SNX24: variants seen among roughly 807,000 people sequenced by gnomAD.
The protein encoded by SNX24 is sorting nexin-24.
Under a neutral mutation model 28.7 loss-of-function variants are expected in SNX24, and 22 were observed. The observed-to-expected ratio is 0.77, with a 90% CI of 0.55 to 1.10. The LOEUF (loss-of-function observed/expected upper bound fraction) is 1.10. SNX24 is among the 50% of genes least tolerant of loss of function. The probability of loss-of-function intolerance (pLI) is 0.00; values close to 1 mark genes in which losing one functional copy is unlikely to be tolerated. For synonymous variants in SNX24, 69 were observed against 71.5 expected, an observed-to-expected ratio of 0.96 and a Z score of 0.18; for missense variants, 221 against 201.1, an observed-to-expected ratio of 1.10 and a Z score of -0.60.
chr5:122,869,928 A>G (rs1054083644), intron 1 of SNX24, among the ~76,000 whole-genome samples: 4 of 150,532 alleles, frequency 2.7e-5, no homozygotes, highest in African/African-American at 9.8e-5. Context: ...TTGTTTGTAC[A>G]TGGTTGGAGG....
In SNX24 at chr5:122,996,305, G is replaced by T. The variant is rs79091077; in HGVS notation, c.250-3607G>T. On this transcript the variant is annotated intron_variant, in intron 3 of 6. Transcript: ENST00000261369. ...CACAGCACCGGCCACAGTGCATCAG[G>T]CTCCAGGCCAAAGAAAAGTGAGCCC... Among the ~76,000 whole-genome samples the T allele has an allele frequency of 8.2e-3, 1,254 of 152,302 alleles. 18 individuals carry two copies. Among genetic ancestry groups the T allele is most frequent in the African/African-American group, 0.029 (1,188 of 41,552 alleles).
downstream of SNX24, among the ~76,000 whole-genome samples, chr5:123,009,369 A>C (rs1472930447): frequency 6.6e-6 from 1 of 152,228 alleles, no homozygotes; most frequent in Non-Finnish European, 1.5e-5. Context: ...TATCTCATCT[A>C]TTAAGTCAGT....
At chr5:122,990,477 G>A (rs1232822988) in intron 3 of SNX24, among the ~76,000 whole-genome samples, 2 of 152,122 alleles carry the variant, frequency 1.3e-5, no homozygotes, top group Non-Finnish European at 2.9e-5. Context: ...GCTGGAGCTG[G>A]GTCAAAGTGT....
At chr5:122,990,161 T>C (rs1235837110) in intron 3 of SNX24, among the ~76,000 whole-genome samples, 91 of 152,304 alleles carry the variant, frequency 6.0e-4, no homozygotes, top group Non-Finnish European at 2.1e-4. Flanking sequence ...TAGCTACACA[T>C]CTTATAAGTC....
At chr5:122,852,844 G>A (rs1434643078) in intron 1 of SNX24, among the ~76,000 whole-genome samples, 1 of 152,058 alleles carries the variant, frequency 6.6e-6, no homozygotes, top group Non-Finnish European at 1.5e-5. Flanking sequence ...AAAATAGGAG[G>A]CATCTCTGGA....
intron 2 of SNX24, among the ~76,000 whole-genome samples, chr5:122,943,564 T>G (rs1561634469): frequency 6.6e-6 from 1 of 152,204 alleles, no homozygotes; most frequent in Admixed American, 6.5e-5. Flanking sequence ...CAGGCAGAAT[T>G]CAGTGGCTTG....
At chr5:123,024,013 GAA>G in intron 5 of SNX24, 4 of 1,610,974 alleles carry the variant, frequency 2.5e-6, no homozygotes, top group Non-Finnish European at 3.4e-6. Flanking sequence ...TCTGGTGAGA[GAA>G]AAGTAGACAC....
chr5:122,855,773 C>T (rs904144727), intron 1 of SNX24, among the ~76,000 whole-genome samples: 1 of 152,274 alleles, frequency 6.6e-6, no homozygotes, highest in African/African-American at 2.4e-5. Flanking sequence ...CTTTGCCCTT[C>T]CTTAAGAAGC....
intron 1 of SNX24, among the ~76,000 whole-genome samples, chr5:122,902,955 T>C (rs1412857921): frequency 6.6e-6 from 1 of 151,508 alleles, no homozygotes; most frequent in Non-Finnish European, 1.5e-5. Context: ...TTGCTACTTA[T>C]TGTTCCCTAG....
chr5:122,883,592 C>T (rs1023239451), intron 1 of SNX24, among the ~76,000 whole-genome samples: 9 of 152,140 alleles, frequency 5.9e-5, no homozygotes, highest in African/African-American at 2.2e-4. Context: ...ATCTTGGAGC[C>T]AGTAAGCTTC....
chr5:122,864,301 G>A lies in SNX24; in HGVS notation c.60+18608G>A, dbSNP rs986755650. Among the ~76,000 whole-genome samples, 12 of 152,122 alleles carry A rather than the reference G, an allele frequency of 7.9e-5. 1 individual carries two copies. The highest frequency in any genetic ancestry group is 1.5e-5 in the Non-Finnish European group (1 of 68,028). ...GATTGAGGCCATAGGATCCACTGAT[G>A]GATTAGATTTGGGGCATGAGAAAAA... On this transcript the variant is annotated intron_variant, in intron 1 of 6. Transcript: ENST00000261369.
At chr5:122,873,233 C>G (rs913401123) in intron 1 of SNX24, among the ~76,000 whole-genome samples, 3 of 152,074 alleles carry the variant, frequency 2.0e-5, no homozygotes, top group Non-Finnish European at 2.9e-5. Flanking sequence ...CCTCAGCCTA[C>G]CAAAGTGCTG....
At position 123,001,393 on chromosome 5, in the gene SNX24, C is replaced by A; in HGVS notation, c.345-12C>A. ...TGGTTTTTTTGTTTTTTTCCTTTTT[C>A]AAAACTTTTAGATCTTTTGATGAAA... On this transcript the variant is annotated splice_polypyrimidine_tract_variant and intron_variant, in intron 4 of 6. Coordinates refer to ENST00000261369, the MANE Select transcript of SNX24 (RefSeq NM_014035.4). 2 of 1,593,914 alleles carry A rather than the reference C, an allele frequency of 1.3e-6. No homozygotes were observed. Among genetic ancestry groups the A allele is most frequent in the South Asian group, 2.2e-5 (2 of 89,020 alleles).
At chr5:122,848,401 TTGTGTTTAAAATTTAAAACGGCCGGGGCG>T (rs1226893339) in intron 1 of SNX24, among the ~76,000 whole-genome samples, 4 of 152,212 alleles carry the variant, frequency 2.6e-5, no homozygotes, top group East Asian at 3.9e-4. Context: ...CGACCTGTGT[TTGTGTTTAAAATTTAAAACGGCCGGGGCG>T]TGGTGGCTCA....
chr5:122,945,938 GC>G, intron 2 of SNX24, 116 bp from the exon 3 acceptor site: 1 of 531,708 alleles, frequency 1.9e-6, no homozygotes, highest in Non-Finnish European at 3.4e-6. Context: ...ATTTTTTATT[GC>G]AGATAGCAGT....
intron 1 of SNX24, among the ~76,000 whole-genome samples, chr5:122,878,953 C>CA (rs71223070): frequency 0.048 from 4,920 of 103,196 alleles, 111 homozygotes; most frequent in Non-Finnish European, 0.065. Flanking sequence ...GACTCTGTCT[C>CA]AAAAAAAAAA....
At chr5:122,853,574 GCA>G (rs1199235482) in intron 1 of SNX24, 1 of 262,138 alleles carries the variant, frequency 3.8e-6, no homozygotes, top group African/African-American at 2.2e-5. Flanking sequence ...AAATTTGGGG[GCA>G]CAAGCAAGCT....
At chr5:122,850,870 G>A (rs1326668264) in intron 1 of SNX24, among the ~76,000 whole-genome samples, 1 of 151,328 alleles carries the variant, frequency 6.6e-6, no homozygotes, top group Non-Finnish European at 1.5e-5. Flanking sequence ...ACTTGAATAA[G>A]CAAAGAAGTC....
At chr5:122,956,280 A>C (rs1420127384) in intron 3 of SNX24, among the ~76,000 whole-genome samples, 6 of 151,942 alleles carry the variant, frequency 3.9e-5, no homozygotes, top group African/African-American at 1.5e-4. Context: ...GATTTGGAAC[A>C]CAGTCTCTGC....
Sources: gnomAD v4.1 joint callset for allele counts (sites outside exome capture counted in the v4.1 genomes callset) on GRCh38, gnomAD v4.1.1 for gene constraint, MANE v1.5 for transcripts, NCBI Gene and HGNC (gene_info 2026-07-23, HGNC 2026-07-21) for gene names.